CRACD: variants seen among roughly 807,000 people sequenced by gnomAD.
The protein encoded by CRACD is capping protein-inhibiting regulator of actin dynamics.
In CRACD, 56 loss-of-function variants were observed where a neutral mutation model predicts 106.8. The ratio of observed to expected loss-of-function variants is 0.52; its 90% CI spans 0.42 to 0.66. CRACD has a LOEUF of 0.66. CRACD is among the 30% of genes least tolerant of loss of function. CRACD has a pLI of 0.00. For synonymous variants in CRACD, 754 were observed against 670.8 expected, an observed-to-expected ratio of 1.12 and a Z score of -1.92; for missense variants, 1,730 against 1,623.2, an observed-to-expected ratio of 1.07 and a Z score of -1.13.
At chr4:56,131,039 G>C (rs1018786089) in intron 1 of CRACD, among the ~76,000 whole-genome samples, 12 of 152,234 alleles carry the variant, frequency 7.9e-5, no homozygotes, top group Admixed American at 6.5e-4. Flanking sequence ...AACATAACCT[G>C]GATGAAAAAT....
At chr4:56,186,483 AACTTTAG>A (rs1737099846) in intron 2 of CRACD, among the ~76,000 whole-genome samples, 1 of 152,142 alleles carries the variant, frequency 6.6e-6, no homozygotes, top group African/African-American at 2.4e-5. Flanking sequence ...TGAAAACACC[AACTTTAG>A]AGTAACTAGT....
intron 1 of CRACD, among the ~76,000 whole-genome samples, chr4:56,163,189 G>A (rs866688714): frequency 1.3e-5 from 2 of 152,008 alleles, no homozygotes; most frequent in Non-Finnish European, 2.9e-5. Context: ...CTCTGCCTTC[G>A]AGACGTTCCA....
At chr4:56,224,033 A>G (rs779133697) in intron 2 of CRACD, among the ~76,000 whole-genome samples, 2 of 152,242 alleles carry the variant, frequency 1.3e-5, no homozygotes, top group Non-Finnish European at 2.9e-5. Context: ...TTGGGATTAC[A>G]GGTGTGCACC....
chr4:56,247,664 G>C (rs1740760110), intron 2 of CRACD, among the ~76,000 whole-genome samples: 1 of 152,084 alleles, frequency 6.6e-6, no homozygotes, highest in Non-Finnish European at 1.5e-5. Context: ...TGGCCAGCAG[G>C]GCAAAACCCC....
intron 2 of CRACD, among the ~76,000 whole-genome samples, chr4:56,260,894 C>CATCT (rs780744188): frequency 4.5e-5 from 2 of 44,390 alleles, no homozygotes; most frequent in African/African-American, 1.7e-4. Flanking sequence ...TCCATCCATC[C>CATCT]ATCCATCCAT....
chr4:56,069,888 G>C (rs187000186), intron 1 of CRACD, among the ~76,000 whole-genome samples: 1 of 152,316 alleles, frequency 6.6e-6, no homozygotes, highest in East Asian at 1.9e-4. Flanking sequence ...GGAACTAGAA[G>C]GGGCTTAATT....
chr4:56,076,959 C>T (rs1303494339), intron 1 of CRACD, among the ~76,000 whole-genome samples: 2 of 152,126 alleles, frequency 1.3e-5, no homozygotes, highest in Non-Finnish European at 2.9e-5. Flanking sequence ...CTACATGCTG[C>T]TTCTTAATTC....
intron 1 of CRACD, chr4:56,049,752 T>G (rs985343956): frequency 1.3e-5 from 2 of 152,444 alleles, no homozygotes; most frequent in Admixed American, 6.5e-5. Context: ...CATTGCTTTG[T>G]TTAACCTCTG....
At chr4:56,286,104 T>C (rs1324236987) in intron 3 of CRACD, among the ~76,000 whole-genome samples, 2 of 151,966 alleles carry the variant, frequency 1.3e-5, no homozygotes, top group African/African-American at 4.8e-5. Flanking sequence ...TTAAGATTAA[T>C]ATAGGGGGCT....
intron 2 of CRACD, among the ~76,000 whole-genome samples, chr4:56,215,067 T>C (rs1211867136): frequency 3.3e-5 from 5 of 152,106 alleles, no homozygotes; most frequent in Non-Finnish European, 7.4e-5. Flanking sequence ...TGGAGTGCAG[T>C]GGCGCAGTCA....
At chr4:56,110,314 G>A (rs1042607675) in intron 1 of CRACD, among the ~76,000 whole-genome samples, 1 of 152,110 alleles carries the variant, frequency 6.6e-6, no homozygotes, top group Non-Finnish European at 1.5e-5. Context: ...CACATATTCA[G>A]GGCCTCAAAA....
At chr4:56,283,104 C>G (rs968934786) in intron 3 of CRACD, among the ~76,000 whole-genome samples, 1 of 152,194 alleles carries the variant, frequency 6.6e-6, no homozygotes, top group Non-Finnish European at 1.5e-5. Flanking sequence ...TCTCATCTCT[C>G]CCATTCCTCC....
At chr4:56,264,964 C>T (rs1741921713) in intron 2 of CRACD, among the ~76,000 whole-genome samples, 1 of 152,204 alleles carries the variant, frequency 6.6e-6, no homozygotes, top group South Asian at 2.1e-4. Flanking sequence ...TTTCTTCTTT[C>T]CTCTTGTCAC....
At chr4:56,106,106 A>G (rs1176814303) in intron 1 of CRACD, among the ~76,000 whole-genome samples, 1 of 152,174 alleles carries the variant, frequency 6.6e-6, no homozygotes, top group Non-Finnish European at 1.5e-5. Context: ...GGGTGCATAA[A>G]GCATTTTGCT....
Position 56,323,558 on chromosome 4 carries a change from C to A in CRACD, c.3369C>A (p.Ser1123=). 6.4e-7 allele frequency: 1 copy of A among 1,571,958 alleles called. No individual in the cohort carries two copies. Among genetic ancestry groups the A allele is most frequent in the Non-Finnish European group, 8.6e-7 (1 of 1,167,132 alleles). Residue 1123 remains serine (S), a synonymous_variant, in exon 9 of 11, where the codon TCC becomes TCA. Coordinates refer to ENST00000682029, the MANE Select transcript of CRACD (RefSeq NM_001393381.1). ...AREAKQAEKL[S]KENVSVSVQP... is the part of the protein sequence containing the mutation. The stretch of plus-strand genomic sequence containing the variant: ...AGGCCAAACAGGCAGAAAAGCTCTC[C>A]AAAGAAAATGTGAGTAGCCTGGGCT...
chr4:56,069,414 C>T (rs1318685790), intron 1 of CRACD, among the ~76,000 whole-genome samples: 1 of 152,140 alleles, frequency 6.6e-6, no homozygotes, highest in African/African-American at 2.4e-5. Flanking sequence ...TCCTCAGGGA[C>T]AGCGTCTGGA....
intron 1 of CRACD, among the ~76,000 whole-genome samples, chr4:56,119,976 A>G (rs773313796): frequency 7.2e-5 from 11 of 152,028 alleles, no homozygotes; most frequent in Non-Finnish European, 1.3e-4. Context: ...ACTTTAATCT[A>G]CTATTTGCAC....
chr4:56,235,141 T>G (rs1174052819), intron 2 of CRACD, among the ~76,000 whole-genome samples: 1 of 152,228 alleles, frequency 6.6e-6, no homozygotes, highest in Non-Finnish European at 1.5e-5. Flanking sequence ...ATTGTATCCT[T>G]AAAGATACAG....
intron 1 of CRACD, among the ~76,000 whole-genome samples, chr4:56,079,813 G>A (rs908711100): frequency 5.9e-5 from 9 of 152,064 alleles, no homozygotes; most frequent in South Asian, 4.2e-4. Context: ...AATGAAAACC[G>A]TGCAGTAGCA....
Sources: allele counts gnomAD v4.1 joint callset (sites outside exome capture counted in the v4.1 genomes callset), GRCh38; gene constraint gnomAD v4.1.1; transcripts MANE v1.5; gene names NCBI Gene and HGNC (gene_info 2026-07-23, HGNC 2026-07-21).